The following MPP4 variants were observed in gnomAD, a reference collection of about 807,000 sequenced individuals.
The protein encoded by MPP4 is MAGUK p55 scaffold protein 4.
A neutral mutation model predicts 98.3 loss-of-function variants in MPP4; 91 were observed. That is an observed-to-expected ratio of 0.93 (90% CI 0.78 to 1.10). MPP4 has a LOEUF of 1.10. Ranked by LOEUF, MPP4 falls within the 50% of genes least tolerant of loss-of-function variation. The pLI is 0.00. For synonymous variants in MPP4, 261 were observed against 271.8 expected (o/e 0.96, Z 0.39); for missense variants, 744 against 792.9 (o/e 0.94, Z 0.74).
chr2:201,681,673 TC>T, intron 8 of MPP4, 106 bp from the exon 9 acceptor site: 1 of 821,544 alleles, frequency 1.2e-6, no homozygotes. Context: ...CATGGTAAAA[TC>T]CCCCAAGAGC....
At chr2:201,656,469 C>A in intron 16 of MPP4, 101 bp from the exon 17 acceptor site, 1 of 1,154,860 alleles carries the variant, frequency 8.7e-7, no homozygotes, top group Non-Finnish European at 1.2e-6. Flanking sequence ...CTAAAGTGTT[C>A]ATTAATATAG....
intron 10 of MPP4, 69 bp downstream of exon 10, chr2:201,680,769 G>C (rs1330909723): frequency 7.0e-7 from 1 of 1,424,294 alleles, no homozygotes; most frequent in Non-Finnish European, 9.6e-7. Context: ...TGAGGTAACA[G>C]AAACCCAAGA....
At position 201,691,842 on chromosome 2, in the gene MPP4, C is replaced by T. The variant is rs114134406; in HGVS notation, c.201+1066G>A. Among the ~76,000 whole-genome samples the T allele has an allele frequency of 9.8e-3, 1,489 of 152,294 alleles. 24 individuals are homozygous for T. Among genetic ancestry groups the T allele is most frequent in the African/African-American group, 0.034 (1,394 of 41,564 alleles). On this transcript the variant is annotated intron_variant, in intron 3 of 21. Coordinates refer to ENST00000409474, the MANE Select transcript of MPP4 (RefSeq NM_033066.3). ...CCAGAAGAAACTTTAGAATAAGAAA[C>T]TTCAGGGTACCTAAACAGAACTGTA... is the stretch of plus-strand genomic sequence containing the variant.
At chr2:201,661,877 A>C (rs912286217) in intron 14 of MPP4, among the ~76,000 whole-genome samples, 3 of 152,176 alleles carry the variant, frequency 2.0e-5, no homozygotes, top group African/African-American at 7.2e-5. Context: ...CAGCCTTCAC[A>C]TGTGGAGTGT....
intron 14 of MPP4, among the ~76,000 whole-genome samples, chr2:201,660,940 G>A (rs565990930): frequency 7.2e-5 from 11 of 152,142 alleles, no homozygotes; most frequent in African/African-American, 2.6e-4. Context: ...GGTTTGTTTT[G>A]AGATGCAGTC....
intron 12 of MPP4, among the ~76,000 whole-genome samples, chr2:201,669,007 C>T (rs892823556): frequency 1.3e-5 from 2 of 152,054 alleles, no homozygotes; most frequent in Non-Finnish European, 1.5e-5. Flanking sequence ...TTTTCCCTTT[C>T]CAAATTCAAG....
intron 1 of MPP4, among the ~76,000 whole-genome samples, chr2:201,696,270 G>A (rs754037452): frequency 2.0e-5 from 3 of 152,250 alleles, no homozygotes; most frequent in Non-Finnish European, 2.9e-5. Context: ...TAAACAATGC[G>A]TTTTCCTGTG....
intron 17 of MPP4, 80 bp downstream of exon 17, chr2:201,656,118 A>G (rs142310797): frequency 5.6e-6 from 8 of 1,427,658 alleles, no homozygotes; most frequent in African/African-American, 1.4e-5. Flanking sequence ...TACTTTCACC[A>G]TTATTCCCAA....
At chr2:201,688,581 C>T (rs1688904325) in intron 4 of MPP4, among the ~76,000 whole-genome samples, 1 of 152,078 alleles carries the variant, frequency 6.6e-6, no homozygotes, top group Non-Finnish European at 1.5e-5. Context: ...CAAAGGGCCC[C>T]AGGCAGAAGC....
intron 18 of MPP4, among the ~76,000 whole-genome samples, chr2:201,654,405 T>C (rs1450766861): frequency 6.6e-6 from 1 of 152,262 alleles, no homozygotes; most frequent in Non-Finnish European, 1.5e-5. Context: ...TTGCTAACTA[T>C]TAGTTTGCCT....
At chr2:201,665,550 A>T (rs907301565) in intron 13 of MPP4, 2 of 152,242 alleles carry the variant, frequency 1.3e-5, no homozygotes, top group African/African-American at 4.8e-5. Context: ...ATAAAAATAT[A>T]ATGGAAATTG....
chr2:201,669,799 A>G (rs1688290620), intron 11 of MPP4, 49 bp from the exon 12 acceptor site: 3 of 1,301,202 alleles, frequency 2.3e-6, no homozygotes, highest in Non-Finnish European at 2.0e-6. Flanking sequence ...AGAACACAGT[A>G]TCTGTACTAT....
At chr2:201,675,603 G>A (rs1688487147) in intron 10 of MPP4, among the ~76,000 whole-genome samples, 1 of 152,164 alleles carries the variant, frequency 6.6e-6, no homozygotes, top group Non-Finnish European at 1.5e-5. Flanking sequence ...GCCTGTCTTT[G>A]CAGTCTCCTT....
intron 11 of MPP4, among the ~76,000 whole-genome samples, chr2:201,671,765 C>T (rs559110523): frequency 7.2e-5 from 11 of 152,232 alleles, no homozygotes; most frequent in African/African-American, 2.2e-4. Context: ...TTCTTAGAGA[C>T]CTACAAAGAG....
intron 18 of MPP4, chr2:201,650,549 C>G: frequency 1.0e-6 from 1 of 985,388 alleles, no homozygotes; most frequent in Non-Finnish European, 1.2e-6. Context: ...CCCATGATCT[C>G]ATTTCATCTT....
At chr2:201,690,862 C>A (rs962566267) in intron 3 of MPP4, among the ~76,000 whole-genome samples, 6 of 152,226 alleles carry the variant, frequency 3.9e-5, no homozygotes, top group African/African-American at 7.2e-5. Flanking sequence ...TCTCCACATA[C>A]CCTTGGGAAT....
chr2:201,655,578 A>C (rs1687826088), intron 17 of MPP4, among the ~76,000 whole-genome samples: 1 of 152,220 alleles, frequency 6.6e-6, no homozygotes, highest in South Asian at 2.1e-4. Flanking sequence ...GTTCTGCTCT[A>C]CAGGGACCTG....
chr2:201,678,260 C>T (rs988387764), intron 10 of MPP4, among the ~76,000 whole-genome samples: 1 of 151,908 alleles, frequency 6.6e-6, no homozygotes, highest in Non-Finnish European at 1.5e-5. Flanking sequence ...ACCATGAGGA[C>T]TAATCTCATT....
chr2:201,683,064 A>G (rs1250466386), intron 7 of MPP4, 148 bp from the exon 8 acceptor site: 1 of 590,606 alleles, frequency 1.7e-6, no homozygotes. Flanking sequence ...AAAGCTGGTT[A>G]TTCCAACTTA....
Sources: allele counts gnomAD v4.1 joint callset (sites outside exome capture counted in the v4.1 genomes callset), GRCh38; gene constraint gnomAD v4.1.1; transcripts MANE v1.5; gene names NCBI Gene and HGNC (gene_info 2026-07-23, HGNC 2026-07-21).